ZSWIM6: variants seen among roughly 807,000 people sequenced by gnomAD.
ZSWIM6 encodes zinc finger SWIM domain-containing protein 6.
Under a neutral mutation model 113.2 loss-of-function variants are expected in ZSWIM6, and 9 were observed. That is an observed-to-expected ratio of 0.08 (90% CI 0.05 to 0.14). The LOEUF (loss-of-function observed/expected upper bound fraction) is 0.14. Among genes scored for constraint, ZSWIM6 ranks in the 10% least tolerant of loss-of-function variants. The pLI, the probability that ZSWIM6 is intolerant of heterozygous loss-of-function variation, is 1.00. For missense variants in ZSWIM6, 1,162 were observed against 1,552.2 expected, an observed-to-expected ratio of 0.75 and a Z score of 4.22; for synonymous variants, 611 against 606.5, an observed-to-expected ratio of 1.01 and a Z score of -0.11.
At chr5:61,446,558 A>G (rs1746957119) in intron 1 of ZSWIM6, among the ~76,000 whole-genome samples, 1 of 152,238 alleles carries the variant, frequency 6.6e-6, no homozygotes, top group Non-Finnish European at 1.5e-5. Context: ...TTATAGTTTT[A>G]TAACCTTCTG....
At chr5:61,478,537 T>C (rs1747767283) in intron 2 of ZSWIM6, among the ~76,000 whole-genome samples, 1 of 152,200 alleles carries the variant, frequency 6.6e-6, no homozygotes, top group South Asian at 2.1e-4. Flanking sequence ...GAATATCTTA[T>C]GTTAGTACTG....
In ZSWIM6 at chr5:61,472,621, G is replaced by A. The variant is rs1747599551; in HGVS notation, c.677-60G>A. ...GTCCCACACATTTCAAAGAATTAGA[G>A]CATTTCATAGCATCTGAATGCAGAA... is the stretch of plus-strand genomic sequence containing the variant. On this transcript the variant is annotated intron_variant, in intron 1 of 13. Coordinates refer to ENST00000252744, the MANE Select transcript of ZSWIM6 (RefSeq NM_020928.2). The surrounding 1 kb of genome is among the most constrained non-coding windows in gnomAD (Gnocchi z 4.1). 3.1e-6 allele frequency: 4 copies of A among 1,294,090 alleles called. No homozygotes were observed. The South Asian group carries it at 5.0e-5, about 16-fold the overall frequency. 80.2% of individuals were successfully genotyped at this position (1,294,090 alleles called of 1,614,324 possible).
chr5:61,492,622 T>C (rs1748211619), intron 3 of ZSWIM6, among the ~76,000 whole-genome samples: 1 of 152,164 alleles, frequency 6.6e-6, no homozygotes. Flanking sequence ...ACTCCTTTTC[T>C]TCCTCCATCT....
At chr5:61,484,390 A>C (rs879594504) in intron 2 of ZSWIM6, among the ~76,000 whole-genome samples, 1 of 152,224 alleles carries the variant, frequency 6.6e-6, no homozygotes, top group Non-Finnish European at 1.5e-5. Flanking sequence ...AGCTCAGTTT[A>C]TCAGAAGGAA....
intron 1 of ZSWIM6, among the ~76,000 whole-genome samples, chr5:61,441,017 C>T (rs774980678): frequency 6.6e-5 from 10 of 152,052 alleles, no homozygotes; most frequent in African/African-American, 9.7e-5. Context: ...AGTGGCCTTT[C>T]GCTGTGTTGA....
chr5:61,337,277 TC>T (rs34789006), intron 1 of ZSWIM6, among the ~76,000 whole-genome samples: 9 of 144,672 alleles, frequency 6.2e-5, no homozygotes, highest in East Asian at 2.0e-4. Context: ...AGATTCCGTC[TC>T]CCCCCCCAAA....
At chr5:61,334,873 C>T (rs1470373869) in intron 1 of ZSWIM6, among the ~76,000 whole-genome samples, 2 of 149,996 alleles carry the variant, frequency 1.3e-5, no homozygotes. Flanking sequence ...ATTTTTATGG[C>T]TTGGCTGGCA....
At chr5:61,423,412 A>G (rs926391732) in intron 1 of ZSWIM6, among the ~76,000 whole-genome samples, 1 of 151,050 alleles carries the variant, frequency 6.6e-6, no homozygotes, top group Non-Finnish European at 1.5e-5. Flanking sequence ...CCATCTCAAA[A>G]AAAAAACACA....
At chr5:61,400,496 A>G (rs72761442) in intron 1 of ZSWIM6, among the ~76,000 whole-genome samples, 26,548 of 152,182 alleles carry the variant, frequency 0.17, 3,185 homozygotes, top group Non-Finnish European at 0.27. Context: ...AGTACAGCCC[A>G]AGTTGATTTT....
At chr5:61,528,580 C>T (rs1408107758) in intron 7 of ZSWIM6, among the ~76,000 whole-genome samples, 1 of 151,400 alleles carries the variant, frequency 6.6e-6, no homozygotes, top group Non-Finnish European at 1.5e-5. Context: ...TTGTGCCAAA[C>T]CGTTTTTCCT....
At position 61,543,037 on chromosome 5, in the gene ZSWIM6, T is replaced by C. The variant is rs1749783517; in HGVS notation, c.2786-418T>C. On this transcript the variant is annotated intron_variant, in intron 13 of 13. Transcript: ENST00000252744. The surrounding 1 kb of genome is among the most constrained non-coding windows in gnomAD (Gnocchi z 4.3). ...AGCTTCTTTGTGTGTTTTAAACTTT[T>C]GTATTATGTGTACTTTTACCTTACA... is the stretch of plus-strand genomic sequence containing the variant. Among the ~76,000 whole-genome samples, 1 of 152,252 alleles carries C rather than the reference T, an allele frequency of 6.6e-6. No individual in the cohort carries two copies. Among genetic ancestry groups the C allele is most frequent in the Non-Finnish European group, 1.5e-5 (1 of 68,046 alleles).
intron 1 of ZSWIM6, among the ~76,000 whole-genome samples, chr5:61,469,412 G>T (rs1471470323): frequency 1.3e-5 from 2 of 152,188 alleles, no homozygotes; most frequent in African/African-American, 4.8e-5. Flanking sequence ...AATAATGAGT[G>T]TTATGCTGTA....
At chr5:61,445,418 A>G (rs891107208) in intron 1 of ZSWIM6, among the ~76,000 whole-genome samples, 3 of 152,220 alleles carry the variant, frequency 2.0e-5, no homozygotes, top group African/African-American at 7.2e-5. Context: ...AACTTTCACC[A>G]TTAGAATCCT....
intron 7 of ZSWIM6, 129 bp downstream of exon 7, chr5:61,526,525 A>T: frequency 9.0e-7 from 1 of 1,106,448 alleles, no homozygotes; most frequent in Non-Finnish European, 1.3e-6. Flanking sequence ...CCATTCATTT[A>T]AAATAATGGC....
chr5:61,337,521 G>T (rs2112021880), intron 1 of ZSWIM6, among the ~76,000 whole-genome samples: 1 of 152,348 alleles, frequency 6.6e-6, no homozygotes, highest in South Asian at 2.1e-4. Flanking sequence ...TCATTGCAGT[G>T]TGGTTTGCAA....
At chr5:61,400,884 G>T (rs562327275) in intron 1 of ZSWIM6, among the ~76,000 whole-genome samples, 1 of 152,240 alleles carries the variant, frequency 6.6e-6, no homozygotes, top group South Asian at 2.1e-4. Context: ...ACATTTGACT[G>T]GTGGGGAACC....
chr5:61,364,920 T>C (rs561456614), intron 1 of ZSWIM6, among the ~76,000 whole-genome samples: 1 of 152,320 alleles, frequency 6.6e-6, no homozygotes, highest in East Asian at 1.9e-4. Context: ...CAATGACTAA[T>C]TTCATGGTCT....
chr5:61,527,720 C>T (rs1169788680), intron 7 of ZSWIM6, among the ~76,000 whole-genome samples: 1 of 151,982 alleles, frequency 6.6e-6, no homozygotes, highest in Non-Finnish European at 1.5e-5. Flanking sequence ...ACAAAGAGTG[C>T]AGGACTTGTT....
At position 61,540,653 on chromosome 5, in the gene ZSWIM6, G is replaced by GT. The variant is rs201828862; in HGVS notation, c.2703+903dup. On this transcript the variant is annotated intron_variant, in intron 12 of 13. Coordinates refer to ENST00000252744, the MANE Select transcript of ZSWIM6 (RefSeq NM_020928.2). ...TATAGTGATGGTTCAGAAGTTTTTTGTTTTTTTTTAATTCTTGTTATTTGG... is the reference window on the plus strand; with the variant it reads ...TATAGTGATGGTTCAGAAGTTTTTTGTTTTTTTTTTAATTCTTGTTATTTGG... Among the ~76,000 whole-genome samples, 181 of 150,750 alleles carry GT rather than the reference G, an allele frequency of 1.2e-3. 1 individual carries two copies. Among genetic ancestry groups the GT allele is most frequent in the African/African-American group, 3.9e-3 (162 of 41,100 alleles).
Sources: allele counts gnomAD v4.1 joint callset (sites outside exome capture counted in the v4.1 genomes callset), GRCh38; gene constraint gnomAD v4.1.1; non-coding constraint Gnocchi (gnomAD v3.1); transcripts MANE v1.5; gene names NCBI Gene and HGNC (gene_info 2026-07-23, HGNC 2026-07-21).